The following BMP2K variants were observed in gnomAD, a reference collection of about 807,000 sequenced individuals.
The protein encoded by BMP2K is BMP-2-inducible protein kinase.
Under a neutral mutation model 116.0 loss-of-function variants are expected in BMP2K, and 74 were observed. The ratio of observed to expected loss-of-function variants is 0.64; its 90% CI spans 0.53 to 0.77. The LOEUF (loss-of-function observed/expected upper bound fraction) is 0.77, where lower values mean the gene tolerates loss of function less well. BMP2K is among the 30% of genes least tolerant of loss of function. BMP2K has a pLI of 0.00. For synonymous variants in BMP2K, 486 were observed against 502.5 expected, an observed-to-expected ratio of 0.97 and a Z score of 0.44; for missense variants, 1,365 against 1,403.6, an observed-to-expected ratio of 0.97 and a Z score of 0.44.
rs759430696 is a variant in BMP2K at position 78,887,164 on chromosome 4, A to G, written c.1952-10A>G. On this transcript the variant is annotated splice_polypyrimidine_tract_variant and intron_variant, in intron 14 of 15. Coordinates refer to ENST00000502613, the MANE Select transcript of BMP2K (RefSeq NM_198892.2). ...TTCATTTTTTATTTCGTTTCATCTTATTTTTGCAGATAGGCTCGAGGAGAG... is the reference window on the plus strand; with the variant it reads ...TTCATTTTTTATTTCGTTTCATCTTGTTTTTGCAGATAGGCTCGAGGAGAG... The G allele has an allele frequency of 7.1e-6, 11 of 1,543,338 alleles. No homozygotes were observed. Among genetic ancestry groups the G allele is most frequent in the Admixed American group, 1.9e-5 (1 of 53,190 alleles).
At chr4:78,829,798 T>TTC (rs1730104804) in intron 2 of BMP2K, among the ~76,000 whole-genome samples, 1 of 81,974 alleles carries the variant, frequency 1.2e-5, no homozygotes, top group African/African-American at 4.7e-5. Context: ...TTCTCTTCTC[T>TTC]TCTCTTCTCT....
rs1730314270 is a variant in BMP2K, at chr4:78,833,570, T to C, written c.298-12T>C. ...TACATTTTCCAGTTTTCATTTTTTT[T>C]TTTCTTTCCAGAAAGAGCTATCTGG... On this transcript the variant is annotated splice_polypyrimidine_tract_variant and intron_variant, in intron 2 of 15. Coordinates refer to ENST00000502613, the MANE Select transcript of BMP2K (RefSeq NM_198892.2). 4.5e-6 allele frequency: 7 copies of C among 1,551,612 alleles called. No individual in the cohort carries two copies. The highest frequency in any genetic ancestry group is 6.1e-6 in the Non-Finnish European group (7 of 1,148,494).
Position 78,842,401 on chromosome 4 carries a change from T to A in BMP2K, c.420T>A (p.Asn140Lys). 6.3e-7 allele frequency: 1 copy of A among 1,596,766 alleles called. No homozygotes were observed. Among genetic ancestry groups the A allele is most frequent in the Non-Finnish European group, 8.6e-7 (1 of 1,167,582 alleles). ...MEYCRAGQVV[N>K]QMNKKLQTGF... is the part of the protein sequence containing the mutation. ...TTTGGTTAGCTGGACAGGTAGTGAATCAAATGAATAAGAAGCTACAGACGG... is the reference window on the plus strand; with the variant it reads ...TTTGGTTAGCTGGACAGGTAGTGAAACAAATGAATAAGAAGCTACAGACGG... Residue 140 changes from asparagine to lysine, a missense_variant, in exon 4 of 16, where the codon AAT (asparagine) becomes AAA (lysine). Asn to Lys is a moderately conservative substitution (Grantham distance 94, BLOSUM62 0). Transcript: ENST00000502613.
chr4:78,827,290 G>A (rs1306647590), intron 2 of BMP2K, among the ~76,000 whole-genome samples: 2 of 151,244 alleles, frequency 1.3e-5, no homozygotes, highest in Non-Finnish European at 2.9e-5. Context: ...CATTGCATAA[G>A]CAAAGCCCGG....
At chr4:78,819,315 A>G (rs1435919185) in intron 1 of BMP2K, among the ~76,000 whole-genome samples, 2 of 152,192 alleles carry the variant, frequency 1.3e-5, no homozygotes, top group Admixed American at 1.3e-4. Context: ...TTGGCCTCCC[A>G]AAGTGCTGGG....
At chr4:78,852,277 A>G (rs2110034921) in intron 7 of BMP2K, among the ~76,000 whole-genome samples, 1 of 152,236 alleles carries the variant, frequency 6.6e-6, no homozygotes, top group East Asian at 1.9e-4. Flanking sequence ...ATTACAGTGT[A>G]TTATATGCTT....
chr4:78,787,846 A>C (rs576758116), intron 1 of BMP2K, among the ~76,000 whole-genome samples: 71 of 152,196 alleles, frequency 4.7e-4, no homozygotes, highest in Middle Eastern at 3.4e-3. Flanking sequence ...TCTTTCTTTC[A>C]ATTTCTGGAA....
intron 2 of BMP2K, among the ~76,000 whole-genome samples, chr4:78,829,831 T>C (rs1730115346): frequency 6.7e-6 from 1 of 149,868 alleles, no homozygotes; most frequent in African/African-American, 2.5e-5. Flanking sequence ...TCTTCTCTTC[T>C]CTTCTCTTCT....
intron 7 of BMP2K, chr4:78,859,196 T>C (rs185399766): frequency 3.6e-4 from 56 of 154,988 alleles, no homozygotes; most frequent in Admixed American, 3.1e-3. Context: ...TTAATACAGG[T>C]ATTTTGGATA....
chr4:78,794,584 C>A (rs533352744), intron 1 of BMP2K, among the ~76,000 whole-genome samples: 2 of 150,724 alleles, frequency 1.3e-5, no homozygotes, highest in Non-Finnish European at 3.0e-5. Context: ...ATTTTTTTTT[C>A]TTTATTTTTG....
At chr4:78,813,001 G>A (rs1407061832) in intron 1 of BMP2K, among the ~76,000 whole-genome samples, 1 of 151,944 alleles carries the variant, frequency 6.6e-6, no homozygotes, top group Non-Finnish European at 1.5e-5. Flanking sequence ...CTATGATCAT[G>A]CCACTGCACT....
chr4:78,858,174 A>T (rs1731595560), intron 7 of BMP2K, among the ~76,000 whole-genome samples: 1 of 151,958 alleles, frequency 6.6e-6, no homozygotes, highest in Non-Finnish European at 1.5e-5. Context: ...GTTTCGTGTG[A>T]TTTGTTTGGT....
intron 1 of BMP2K, among the ~76,000 whole-genome samples, chr4:78,803,340 G>C (rs1049513629): frequency 1.3e-5 from 2 of 151,664 alleles, no homozygotes; most frequent in Non-Finnish European, 2.9e-5. Context: ...TTTAATCCTT[G>C]ATTTTTAAAA....
At chr4:78,779,555 CA>C (rs1368528179) in intron 1 of BMP2K, among the ~76,000 whole-genome samples, 39 of 152,158 alleles carry the variant, frequency 2.6e-4, no homozygotes, top group Admixed American at 2.6e-3. Context: ...TCACATTTTT[CA>C]CCATTGTGCA....
At chr4:78,868,244 CA>C (rs1247649904) in intron 10 of BMP2K, among the ~76,000 whole-genome samples, 3 of 152,068 alleles carry the variant, frequency 2.0e-5, no homozygotes, top group Non-Finnish European at 4.4e-5. Flanking sequence ...GCACTTCTTA[CA>C]TGGCGGCAAC....
intron 8 of BMP2K, 79 bp from the exon 9 acceptor site, chr4:78,861,310 A>G: frequency 9.2e-7 from 1 of 1,087,512 alleles, no homozygotes; most frequent in Non-Finnish European, 1.3e-6. Flanking sequence ...AAGTTCAATG[A>G]TATATCCATA....
At position 78,833,562 on chromosome 4, in the gene BMP2K, A is replaced by ATTTTTTTTTTTT. The variant is rs112619803; in HGVS notation, c.298-9_298-8insTTTTTTTTTTTT. 8.3e-7 allele frequency: 1 copy of ATTTTTTTTTTTT among 1,199,570 alleles called. No individual in the cohort carries two copies. Among genetic ancestry groups the ATTTTTTTTTTTT allele is most frequent in the Non-Finnish European group, 1.2e-6 (1 of 868,406 alleles). 74.3% of individuals were successfully genotyped at this position (1,199,570 alleles called of 1,614,324 possible). On this transcript the variant is annotated intron_variant, in intron 2 of 15. Transcript: ENST00000502613. ...TTTAAATGTACATTTTCCAGTTTTC[A>ATTTTTTTTTTTT]TTTTTTTTTTTCTTTCCAGAAAGAG... is the stretch of plus-strand genomic sequence containing the variant.
chr4:78,822,797 A>G (rs766194704), intron 1 of BMP2K, among the ~76,000 whole-genome samples: 32 of 152,166 alleles, frequency 2.1e-4, no homozygotes, highest in Admixed American at 1.3e-4. Flanking sequence ...AATTCTAGAT[A>G]GAAGTACCTG....
chr4:78,845,194 T>C (rs2110025723), intron 5 of BMP2K, 145 bp downstream of exon 5: 1 of 750,176 alleles, frequency 1.3e-6, no homozygotes, highest in Non-Finnish European at 2.1e-6. Flanking sequence ...GATTAATTCA[T>C]GTCTGATCTA....
Sources: gnomAD v4.1 joint callset for allele counts (sites outside exome capture counted in the v4.1 genomes callset) on GRCh38, gnomAD v4.1.1 for gene constraint, MANE v1.5 for transcripts, NCBI Gene and HGNC (gene_info 2026-07-23, HGNC 2026-07-21) for gene names.